The following CNOT3 variants were observed in gnomAD, a reference collection of about 807,000 sequenced individuals.
CNOT3 encodes CCR4-associated factor 3.
CNOT3 carries 2 observed loss-of-function variants against 89.4 expected under a neutral mutation model. The ratio of observed to expected loss-of-function variants is 0.02; its 90% CI spans 0.01 to 0.07. The LOEUF is 0.07. Among genes scored for constraint, CNOT3 ranks in the 10% least tolerant of loss-of-function variants. CNOT3 has a pLI of 1.00. For synonymous variants in CNOT3, 486 were observed against 402.0 expected, an observed-to-expected ratio of 1.21 and a Z score of -2.50; for missense variants, 664 against 1,010.2, an observed-to-expected ratio of 0.66 and a Z score of 4.65.
chr19:54,138,859 C>T (rs1419831526), intron 1 of CNOT3, among the ~76,000 whole-genome samples: 2 of 152,230 alleles, frequency 1.3e-5, no homozygotes, highest in African/African-American at 2.4e-5. Flanking sequence ...GGACCGTCCT[C>T]AGTGTGGCCC....
intron 1 of CNOT3, 139 bp from the exon 2 acceptor site, chr19:54,142,790 G>A (rs1248563150): frequency 3.1e-6 from 2 of 647,906 alleles, no homozygotes; most frequent in African/African-American, 1.8e-5. Context: ...AGGAGAACTG[G>A]GGCTGGTCTC....
At position 54,145,703 on chromosome 19, in the gene CNOT3, G is replaced by A. The variant is rs779539051; in HGVS notation, c.589G>A (p.Val197Ile). The change falls in exon 8 of 18, where the codon GTT becomes ATT. Residue 197 changes from valine (V) to isoleucine (I), a missense_variant. Physicochemically the swap from Val to Ile is conservative, Grantham distance 29. This residue lies in a region of CNOT3 where 25 missense variants were observed against 69.0 expected (regional missense o/e 0.36). Transcript: ENST00000221232. The surrounding 1 kb of genome is among the most constrained non-coding windows in gnomAD (Gnocchi z 5.9). ...LRMLDNDSIL[V>I]DAIRKIKDDV... ...CATGCTGGACAATGACTCCATCCTC[G>A]TTGACGCCATCCGCAAGATCAAGGA... The A allele has an allele frequency of 1.9e-6, 3 of 1,613,310 alleles. No individual in the cohort carries two copies. The highest frequency in any genetic ancestry group is 8.5e-7 in the Non-Finnish European group (1 of 1,179,286).
At chr19:54,149,418 T>G in intron 12 of CNOT3, 142 bp from the exon 13 acceptor site, 1 of 516,528 alleles carries the variant, frequency 1.9e-6, no homozygotes, top group Non-Finnish European at 3.4e-6. Flanking sequence ...AACCACTTCT[T>G]TCTCCCATCT....
At chr19:54,141,170 C>T (rs1185299720) in intron 1 of CNOT3, among the ~76,000 whole-genome samples, 4 of 152,190 alleles carry the variant, frequency 2.6e-5, no homozygotes, top group Non-Finnish European at 5.9e-5. Flanking sequence ...AAGAGGCTTT[C>T]CCCTCCTCAG....
intron 1 of CNOT3, among the ~76,000 whole-genome samples, chr19:54,138,294 C>T (rs989018991): frequency 2.0e-5 from 3 of 152,160 alleles, no homozygotes; most frequent in Non-Finnish European, 4.4e-5. Context: ...TCGCGTCGGG[C>T]CCCCCGGTAG....
At position 54,147,121 on chromosome 19, in the gene CNOT3, C is replaced by T. The variant is rs1014921002; in HGVS notation, c.894+464C>T. On this transcript the variant is annotated intron_variant, in intron 10 of 17. Coordinates refer to ENST00000221232, the MANE Select transcript of CNOT3 (RefSeq NM_014516.4). Reference sequence around the variant, plus strand: ...TCCAGAGTCCAATAAGCCTAGGAAGCGATGGGGCCTTTGCTGTGCTGATAA... The same window carrying T: ...TCCAGAGTCCAATAAGCCTAGGAAGTGATGGGGCCTTTGCTGTGCTGATAA... Among the ~76,000 whole-genome samples the T allele has an allele frequency of 3.3e-5, 5 of 152,194 alleles. No homozygotes were observed. The South Asian group carries it at 6.2e-4, about 19-fold the overall frequency.
intron 13 of CNOT3, 99 bp downstream of exon 13, chr19:54,149,857 G>A: frequency 8.5e-7 from 1 of 1,175,230 alleles, no homozygotes; most frequent in Non-Finnish European, 1.1e-6. Flanking sequence ...CCTCTTTCTG[G>A]ATCTCTCTCT....
intron 3 of CNOT3, 87 bp from the exon 4 acceptor site, chr19:54,143,355 C>T (rs950078836): frequency 2.8e-5 from 41 of 1,442,574 alleles, no homozygotes; most frequent in Middle Eastern, 2.2e-4. Flanking sequence ...GGGGGGTCCT[C>T]GAGTCCCTAG....
intron 15 of CNOT3, 58 bp from the exon 16 acceptor site, chr19:54,152,809 T>C: frequency 1.1e-6 from 1 of 906,270 alleles, no homozygotes; most frequent in Non-Finnish European, 1.8e-6. Context: ...CTGAGCACCC[T>C]TTTGATCACG....
At position 54,145,504 on chromosome 19, in the gene CNOT3, C is replaced by T. The variant is rs1417964221; in HGVS notation, c.484-94C>T. 1.2e-6 allele frequency: 1 copy of T among 858,234 alleles called. No homozygotes were observed. Among genetic ancestry groups the T allele is most frequent in the South Asian group, 1.5e-5 (1 of 68,366 alleles). 53.2% of individuals were successfully genotyped at this position (858,234 alleles called of 1,614,324 possible). On this transcript the variant is annotated intron_variant, in intron 7 of 17. Coordinates refer to ENST00000221232, the MANE Select transcript of CNOT3 (RefSeq NM_014516.4). This position sits in a 1 kb window ranked among gnomAD's most constrained non-coding sequence, Gnocchi z 5.9. ...ATGGCGTGGAGGCTTTGGGTCTCCA[C>T]AGGGGTCAGGGACTGAGGACAGGTT...
intron 17 of CNOT3, 87 bp from the exon 18 acceptor site, chr19:54,155,222 T>A (rs2075346842): frequency 1.3e-6 from 2 of 1,551,250 alleles, no homozygotes; most frequent in Non-Finnish European, 1.7e-6. Context: ...TCCACAGCCC[T>A]AAGAATTGTC....
chr19:54,149,990 C>G (rs1424584516), intron 13 of CNOT3, among the ~76,000 whole-genome samples: 1 of 152,144 alleles, frequency 6.6e-6, no homozygotes, highest in Non-Finnish European at 1.5e-5. Flanking sequence ...CTCTGTTTCT[C>G]TGGGTCTCTT....
chr19:54,142,910 C>T lies in CNOT3; in HGVS notation c.-50-19C>T. 2 of 1,519,306 alleles carry T rather than the reference C, an allele frequency of 1.3e-6. No individual in the cohort carries two copies. Among genetic ancestry groups the T allele is most frequent in the East Asian group, 4.5e-5 (2 of 44,460 alleles). The allele number at this position is 1,519,306 out of a possible 1,614,324, so 94.1% of individuals were successfully genotyped here. ...AGCCAGGGAATACGTGTTAATTCCTCTCCAATCTCTCCTAGCAGCGTCCGT... is the reference window on the plus strand; with the variant it reads ...AGCCAGGGAATACGTGTTAATTCCTTTCCAATCTCTCCTAGCAGCGTCCGT... On this transcript the variant is annotated intron_variant, in intron 1 of 17. Coordinates refer to ENST00000221232, the MANE Select transcript of CNOT3 (RefSeq NM_014516.4).
At chr19:54,138,151 C>A (rs1453269846) in intron 1 of CNOT3, among the ~76,000 whole-genome samples, 158 bp downstream of exon 1, 1 of 151,868 alleles carries the variant, frequency 6.6e-6, no homozygotes, top group Non-Finnish European at 1.5e-5. Context: ...CAGCGCGGGG[C>A]TCCCGGCGGG....
At position 54,146,095 on chromosome 19, in the gene CNOT3, G is replaced by A. The variant is rs587708295; in HGVS notation, c.837+52G>A. On this transcript the variant is annotated intron_variant, in intron 9 of 17. Coordinates refer to ENST00000221232, the MANE Select transcript of CNOT3 (RefSeq NM_014516.4). ...TTGTGTTTCCAGCAGGGCAGGACTCGAGGAGACAAATCTGGGTCACTCCAA... is the reference window on the plus strand; with the variant it reads ...TTGTGTTTCCAGCAGGGCAGGACTCAAGGAGACAAATCTGGGTCACTCCAA... The A allele has an allele frequency of 4.3e-5, 68 of 1,596,304 alleles. No individual in the cohort carries two copies. In the East Asian group the frequency reaches 4.5e-4, roughly 11 times the overall value.
chr19:54,150,787 ATTTT>A (rs746150231), intron 13 of CNOT3, among the ~76,000 whole-genome samples: 4 of 145,226 alleles, frequency 2.8e-5, no homozygotes, highest in Non-Finnish European at 6.1e-5. Flanking sequence ...AGAAGCATTA[ATTTT>A]TTTTTTTTTT....
chr19:54,143,633 T>C, intron 4 of CNOT3, 27 bp from the exon 5 acceptor site: 1 of 1,612,610 alleles, frequency 6.2e-7, no homozygotes. Context: ...TCCTGAGGTC[T>C]GACTTTCTTG....
chr19:54,148,877 A>G lies in CNOT3; in HGVS notation c.1406+134A>G, dbSNP rs1316029525. On this transcript the variant is annotated intron_variant, in intron 12 of 17. Coordinates refer to ENST00000221232, the MANE Select transcript of CNOT3 (RefSeq NM_014516.4). The surrounding 1 kb of genome is among the most constrained non-coding windows in gnomAD (Gnocchi z 6.3). ...TGGGAATGGCCAAGCGCTATCCTCC[A>G]TCTCCCTCGGGTGTTACACCCCCAC... 2.7e-6 allele frequency: 2 copies of G among 737,788 alleles called. No homozygotes were observed. The highest frequency in any genetic ancestry group is 2.8e-5 in the East Asian group (1 of 36,208). The allele number at this position is 737,788 out of a possible 1,614,324, so 45.7% of individuals were successfully genotyped here.
In CNOT3 at chr19:54,155,539, G is replaced by A; in HGVS notation, c.*132G>A. On this transcript the variant is annotated 3_prime_UTR_variant, in exon 18 of 18. Transcript: ENST00000221232. Reference sequence around the variant, plus strand: ...TCCCCCTCTCCCAGGAAGCAGGGAGGGGGCCGGGAGGTTTTCCTCTCAGCC... The same window carrying A: ...TCCCCCTCTCCCAGGAAGCAGGGAGAGGGCCGGGAGGTTTTCCTCTCAGCC... The A allele has an allele frequency of 1.1e-6, 1 of 902,258 alleles. No individual in the cohort carries two copies. The highest frequency in any genetic ancestry group is 1.7e-5 in the South Asian group (1 of 58,048). The allele number at this position is 902,258 out of a possible 1,614,324, so 55.9% of individuals were successfully genotyped here. A position where few individuals can be genotyped will look rare whatever the true frequency, so the allele number is the denominator to read the frequency against.
Sources: gnomAD v4.1 joint callset for allele counts (sites outside exome capture counted in the v4.1 genomes callset) on GRCh38, gnomAD v4.1.1 for gene constraint, gnomAD v4.1.1 regional missense constraint, Gnocchi (gnomAD v3.1) non-coding constraint, MANE v1.5 for transcripts, NCBI Gene and HGNC (gene_info 2026-07-23, HGNC 2026-07-21) for gene names.